DNAH2: variants seen among roughly 807,000 people sequenced by gnomAD.
DNAH2 encodes dynein axonemal heavy chain 2, also known as axonemal beta dynein heavy chain 2.
In DNAH2, 323 loss-of-function variants were observed where a neutral mutation model predicts 523.5. The ratio of observed to expected loss-of-function variants is 0.62; its 90% confidence interval spans 0.56 to 0.68. The LOEUF is 0.68. DNAH2 is among the 30% of genes least tolerant of loss of function. The pLI is 0.00. For synonymous variants in DNAH2, 2,093 were observed against 2,177.4 expected (o/e 0.96, Z 1.08); for missense variants, 4,907 against 5,701.5 (o/e 0.86, Z 4.49).
At chr17:7,776,275 G>A in intron 31 of DNAH2, 126 bp downstream of exon 31, 1 of 1,138,650 alleles carries the variant, frequency 8.8e-7, no homozygotes, top group Non-Finnish European at 1.2e-6. Context: ...AGACCAGCCT[G>A]GCCAACATGG....
intron 44 of DNAH2, among the ~76,000 whole-genome samples, chr17:7,789,735 C>T (rs777999498): frequency 4.6e-5 from 7 of 152,088 alleles, no homozygotes; most frequent in Non-Finnish European, 8.8e-5. Context: ...TGCCACCACA[C>T]CCAGCTAATT....
chr17:7,736,203 A>T (rs967688834), intron 7 of DNAH2, among the ~76,000 whole-genome samples: 3 of 152,142 alleles, frequency 2.0e-5, no homozygotes, highest in Non-Finnish European at 4.4e-5. Flanking sequence ...ATTTGATATG[A>T]TGTGACAGGC....
intron 73 of DNAH2, among the ~76,000 whole-genome samples, chr17:7,822,398 G>A (rs761551899): frequency 2.0e-5 from 3 of 152,152 alleles, no homozygotes; most frequent in African/African-American, 2.4e-5. Context: ...CCCCTGGCAC[G>A]TCTCGCCTCA....
At chr17:7,722,117 G>A (rs982835492) in intron 2 of DNAH2, among the ~76,000 whole-genome samples, 2 of 151,234 alleles carry the variant, frequency 1.3e-5, no homozygotes, top group Non-Finnish European at 2.9e-5. Context: ...TCCTGCCTCA[G>A]CCTCCCGAGT....
At chr17:7,809,405 G>A (rs1420312027) in intron 63 of DNAH2, among the ~76,000 whole-genome samples, 1 of 152,008 alleles carries the variant, frequency 6.6e-6, no homozygotes. Context: ...TTCTGTGCAG[G>A]GAACTCACCC....
At chr17:7,766,235 T>A in intron 21 of DNAH2, 83 bp from the exon 22 acceptor site, 1 of 1,466,990 alleles carries the variant, frequency 6.8e-7, no homozygotes, top group East Asian at 2.3e-5. Context: ...GAGGTGAGAT[T>A]TGCCCACAAA....
Position 7,805,373 on chromosome 17 carries a change from C to T in DNAH2, c.9422C>T (p.Ala3141Val), listed in dbSNP as rs764543457. ...MILRGNEPTW[A>V]EAKRQLGEQN... ...CTTCGAGGCAACGAGCCCACATGGG[C>T]AGAGGCCAAGAGGCAGCTAGGTAAG... The change falls in exon 61 of 86, where the codon GCA (alanine) becomes GTA (valine). Residue 3141 changes from alanine to valine, a missense_variant. By Grantham distance (64) the Ala-to-Val change is moderately conservative (BLOSUM62 0). Coordinates refer to ENST00000572933, the MANE Select transcript of DNAH2 (RefSeq NM_020877.5). The T allele has an allele frequency of 1.7e-5, 27 of 1,614,226 alleles. No individual in the cohort carries two copies. The highest frequency in any genetic ancestry group is 1.8e-5 in the Non-Finnish European group (21 of 1,180,050).
intron 12 of DNAH2, among the ~76,000 whole-genome samples, chr17:7,753,906 C>T (rs1033774213): frequency 2.6e-5 from 4 of 152,130 alleles, no homozygotes; most frequent in African/African-American, 7.2e-5. Context: ...CGAGATCGCA[C>T]CACTGCACTC....
In DNAH2 at chr17:7,760,778, A is replaced by G. The variant is rs2075982061; in HGVS notation, c.2824A>G (p.Ser942Gly). The G allele has an allele frequency of 4.3e-6, 7 of 1,614,188 alleles. No individual in the cohort carries two copies. The highest frequency in any genetic ancestry group is 5.9e-6 in the Non-Finnish European group (7 of 1,180,022). The change falls in exon 18 of 86, where the codon AGC (serine) becomes GGC (glycine). Residue 942 changes from serine to glycine, a missense_variant. Coordinates refer to ENST00000572933, the MANE Select transcript of DNAH2 (RefSeq NM_020877.5). This position sits in a 1 kb window ranked among gnomAD's most constrained non-coding sequence, Gnocchi z 4.0. Reference sequence around the variant, plus strand: ...CATCAAGAAGATCCAGACCCAAATCAGCAGCGGCATGACTAACAACGCAAG... The same window carrying G: ...CATCAAGAAGATCCAGACCCAAATCGGCAGCGGCATGACTAACAACGCAAG... ...EDIKKIQTQI[S>G]SGMTNNASLL...
chr17:7,745,726 G>C (rs189674270), intron 12 of DNAH2, among the ~76,000 whole-genome samples: 4 of 151,332 alleles, frequency 2.6e-5, no homozygotes, highest in African/African-American at 9.7e-5. Flanking sequence ...GGATATTGAG[G>C]CTGCAATGAG....
intron 21 of DNAH2, 89 bp downstream of exon 21, chr17:7,765,654 G>A (rs926906426): frequency 4.1e-6 from 6 of 1,473,804 alleles, no homozygotes; most frequent in Middle Eastern, 1.8e-4. Context: ...CGAGAACTGG[G>A]AGGGGAGGAG....
intron 12 of DNAH2, among the ~76,000 whole-genome samples, chr17:7,747,281 T>G (rs1567634325): frequency 6.6e-6 from 1 of 152,118 alleles, no homozygotes; most frequent in Non-Finnish European, 1.5e-5. Context: ...ACCTTGCTTT[T>G]TTTTTAAGGT....
intron 7 of DNAH2, among the ~76,000 whole-genome samples, chr17:7,735,003 G>C (rs1285804796): frequency 6.6e-6 from 1 of 152,060 alleles, no homozygotes; most frequent in Non-Finnish European, 1.5e-5. Flanking sequence ...GACAGCGTGG[G>C]AGCCAAAGAT....
Position 7,743,137 on chromosome 17 carries a change from T to C in DNAH2, c.1899T>C (p.Phe633=), listed in dbSNP as rs1312344166. 1 of 1,589,708 alleles carries C rather than the reference T, an allele frequency of 6.3e-7. No homozygotes were observed. Among genetic ancestry groups the C allele is most frequent in the East Asian group, 2.2e-5 (1 of 44,792 alleles). Residue 633 remains phenylalanine (F), a synonymous_variant, in exon 12 of 86, where the codon TTT becomes TTC. Transcript: ENST00000572933. ...QEKAGMLDVN[F]DKSLLILFAE... is the part of the protein sequence containing the mutation. ...AGGCGGGCATGCTGGATGTCAACTT[T>C]GACAAGTACAGGAGCCACCTGGCCC... is the stretch of plus-strand genomic sequence containing the variant.
intron 20 of DNAH2, among the ~76,000 whole-genome samples, chr17:7,764,616 A>G (rs1239328792): frequency 6.6e-6 from 1 of 151,052 alleles, no homozygotes; most frequent in East Asian, 1.9e-4. Flanking sequence ...ACACGCCACC[A>G]CGCCTTGCTG....
chr17:7,789,577 C>T (rs771188421), intron 44 of DNAH2, among the ~76,000 whole-genome samples: 15 of 116,872 alleles, frequency 1.3e-4, no homozygotes, highest in Non-Finnish European at 2.8e-4. Context: ...TTGAGGAATA[C>T]TCTTTTTTTT....
intron 72 of DNAH2, among the ~76,000 whole-genome samples, 163 bp downstream of exon 72, chr17:7,819,571 T>G (rs1194954986): frequency 6.6e-6 from 1 of 152,214 alleles, no homozygotes; most frequent in African/African-American, 2.4e-5. Flanking sequence ...AACCATCACC[T>G]GTGGGCTGAT....
In DNAH2 at chr17:7,786,524, G is replaced by C; in HGVS notation, c.6349-46G>C. 1 of 1,569,810 alleles carries C rather than the reference G, an allele frequency of 6.4e-7. No individual in the cohort carries two copies. The highest frequency in any genetic ancestry group is 8.7e-7 in the Non-Finnish European group (1 of 1,142,880). ...AAGAGGGGTCTGGAAATAAAGAGGG[G>C]TTTTTGTCCATCAGCAGCTAAAACC... On this transcript the variant is annotated intron_variant, in intron 40 of 85. Transcript: ENST00000572933. The surrounding 1 kb of genome is among the most constrained non-coding windows in gnomAD (Gnocchi z 7.5).
intron 4 of DNAH2, among the ~76,000 whole-genome samples, chr17:7,731,387 C>A (rs1368518976): frequency 6.6e-6 from 1 of 151,838 alleles, no homozygotes; most frequent in African/African-American, 2.4e-5. Context: ...TGGGAAGAAA[C>A]CTCTCTTCTG....
Sources: allele counts gnomAD v4.1 joint callset (sites outside exome capture counted in the v4.1 genomes callset), GRCh38; gene constraint gnomAD v4.1.1; non-coding constraint Gnocchi (gnomAD v3.1); transcripts MANE v1.5; gene names NCBI Gene and HGNC (gene_info 2026-07-23, HGNC 2026-07-21).